The following TTC6 variants were observed in gnomAD, a reference collection of about 807,000 sequenced individuals.
TTC6 encodes the protein tetratricopeptide repeat domain 6, also known as tetratricopeptide repeat protein 6.
TTC6 carries 172 observed loss-of-function variants against 210.4 expected under a neutral mutation model. The ratio of observed to expected loss-of-function variants is 0.82; its 90% CI spans 0.72 to 0.93. The LOEUF (loss-of-function observed/expected upper bound fraction) is 0.93. Ranked by LOEUF, TTC6 falls within the 40% of genes least tolerant of loss-of-function variation. The pLI is 0.00. For missense variants in TTC6, 2,414 were observed against 2,318.1 expected (o/e 1.04, Z -0.85); for synonymous variants, 804 against 819.6 (o/e 0.98, Z 0.32).
At chr14:37,841,352 C>A in intron 29 of TTC6, 93 bp from the exon 32 acceptor site, 1 of 1,053,032 alleles carries the variant, frequency 9.5e-7, no homozygotes, top group Non-Finnish European at 1.4e-6. Flanking sequence ...TGGTATGCCA[C>A]TGGCCTTAAT....
At chr14:37,628,471 A>G (rs2095664157) in intron 1 of TTC6, among the ~76,000 whole-genome samples, 1 of 151,782 alleles carries the variant, frequency 6.6e-6, no homozygotes, top group South Asian at 2.1e-4. Context: ...TTTTCCTGTA[A>G]ATTTATTTAA....
At chr14:37,812,004 C>G (rs932408367) in intron 24 of TTC6, among the ~76,000 whole-genome samples, 3 of 152,118 alleles carry the variant, frequency 2.0e-5, no homozygotes, top group African/African-American at 7.2e-5. Context: ...GATGAAACTA[C>G]CCAGTAGAGG....
intron 7 of TTC6, among the ~76,000 whole-genome samples, chr14:37,725,312 G>GTATATATA (rs1169644241): frequency 3.8e-4 from 13 of 33,906 alleles, no homozygotes; most frequent in East Asian, 1.0e-3. Context: ...GTGTGTGTGT[G>GTATATATA]TATATATATA....
At chr14:37,664,798 C>T (rs1313260137) in intron 1 of TTC6, among the ~76,000 whole-genome samples, 1 of 149,934 alleles carries the variant, frequency 6.7e-6, no homozygotes, top group Non-Finnish European at 1.5e-5. Context: ...CTTAAATCTA[C>T]AAGAAAAAAA....
At chr14:37,655,025 G>A (rs1429032782) in intron 1 of TTC6, among the ~76,000 whole-genome samples, 1 of 152,210 alleles carries the variant, frequency 6.6e-6, no homozygotes, top group Admixed American at 6.5e-5. Flanking sequence ...GAATGGGTTT[G>A]GAAATACTGC....
chr14:37,660,445 T>C (rs575255757), intron 1 of TTC6, among the ~76,000 whole-genome samples: 1 of 152,338 alleles, frequency 6.6e-6, no homozygotes, highest in South Asian at 2.1e-4. Flanking sequence ...TGTGTTCTTA[T>C]TGTTCAGCTT....
chr14:37,690,067 A>G (rs1312415800), intron 3 of TTC6, among the ~76,000 whole-genome samples: 2 of 152,200 alleles, frequency 1.3e-5, no homozygotes, highest in Non-Finnish European at 2.9e-5. Flanking sequence ...GCAGAAGAAT[A>G]AAGTTAAAGT....
chr14:37,763,311 A>C (rs2095990077), intron 14 of TTC6, among the ~76,000 whole-genome samples: 1 of 152,140 alleles, frequency 6.6e-6, no homozygotes, highest in African/African-American at 2.4e-5. Flanking sequence ...CTTTAATAAC[A>C]GGGTAATGCT....
chr14:37,776,383 T>C (rs1268405511), intron 14 of TTC6, among the ~76,000 whole-genome samples: 1 of 152,164 alleles, frequency 6.6e-6, no homozygotes, highest in Non-Finnish European at 1.5e-5. Context: ...TTAAGCAGAC[T>C]TGTTTGTGTG....
At chr14:37,804,912 C>T (rs1322642586) in intron 21 of TTC6, 98 bp downstream of exon 23, 3 of 1,379,698 alleles carry the variant, frequency 2.2e-6, no homozygotes, top group Non-Finnish European at 3.0e-6. Flanking sequence ...CAGTGGGCAA[C>T]CGGTCCAAAG....
intron 3 of TTC6, among the ~76,000 whole-genome samples, chr14:37,684,426 C>T (rs2095790132): frequency 6.6e-6 from 1 of 152,178 alleles, no homozygotes; most frequent in African/African-American, 2.4e-5. Context: ...TGGTTGGTGA[C>T]TGACCCCATC....
intron 10 of TTC6, among the ~76,000 whole-genome samples, chr14:37,742,400 TTTTTTTGTTTTG>T (rs889222862): frequency 5.6e-5 from 8 of 143,508 alleles, no homozygotes; most frequent in African/African-American, 2.0e-4. Context: ...TTTTGTTTTG[TTTTTTTGTTTTG>T]TTTTTTTTGT....
At chr14:37,612,177 C>T (rs2095635859) in intron 2 of TTC6, among the ~76,000 whole-genome samples, 1 of 152,188 alleles carries the variant, frequency 6.6e-6, no homozygotes, top group Non-Finnish European at 1.5e-5. Flanking sequence ...TTCCTGCAAT[C>T]AATATAACCG....
chr14:37,795,352 G>A (rs2096090186), exon 18 of TTC6: 1 of 1,513,376 alleles, frequency 6.6e-7, no homozygotes, highest in Non-Finnish European at 8.8e-7. Context: ...TACATAAGAA[G>A]GTATGAGCAT....
chr14:37,608,343 T>C, intron 2 of TTC6, among the ~76,000 whole-genome samples: 1 of 152,092 alleles, frequency 6.6e-6, no homozygotes, highest in Admixed American at 6.6e-5. Flanking sequence ...AGGATCTCAT[T>C]GTGGCACCGA....
At chr14:37,663,085 C>G (rs1007683189) in intron 1 of TTC6, among the ~76,000 whole-genome samples, 2 of 151,914 alleles carry the variant, frequency 1.3e-5, no homozygotes, top group Admixed American at 6.6e-5. Context: ...TTTTGTAATT[C>G]TCATTGTAGA....
Position 37,736,055 on chromosome 14 carries a change from G to A in TTC6, c.1908+45G>A, listed in dbSNP as rs531903769. ...TTAATTAGGATTGTTTACTCTATCT[G>A]CCTACAGTCCAGATATTAATTATGG... On this transcript the variant is annotated intron_variant, in intron 8 of 30. Coordinates refer to ENST00000553443, the Ensembl canonical transcript of TTC6. The A allele has an allele frequency of 1.8e-4, 179 of 993,968 alleles. 1 individual carries two copies. The African/African-American group carries it at 2.6e-3, about 14-fold the overall frequency. The allele number at this position is 993,968 out of a possible 1,614,324, so 61.6% of individuals were successfully genotyped here. A position where few individuals can be genotyped will look rare whatever the true frequency, so the allele number is the denominator to read the frequency against.
chr14:37,819,309 A>T (rs2096149983), intron 26 of TTC6, among the ~76,000 whole-genome samples: 1 of 151,960 alleles, frequency 6.6e-6, no homozygotes, highest in East Asian at 1.9e-4. Flanking sequence ...TATACCACAG[A>T]TGCATGGACT....
Position 37,790,699 on chromosome 14 carries a change from T to G in TTC6, c.3437-18T>G. 1 of 1,525,778 alleles carries G rather than the reference T, an allele frequency of 6.6e-7. No homozygotes were observed. 94.5% of individuals were successfully genotyped at this position (1,525,778 alleles called of 1,614,324 possible). A position where few individuals can be genotyped will look rare whatever the true frequency, so the allele number is the denominator to read the frequency against. On this transcript the variant is annotated intron_variant, in intron 15 of 30. Coordinates refer to ENST00000553443, the Ensembl canonical transcript of TTC6. Reference sequence around the variant, plus strand: ...ATTTTAGAACCTGAATGAAATACATTTTTTTAAACTTTTTAAGCACTCATA... The same window carrying G: ...ATTTTAGAACCTGAATGAAATACATGTTTTTAAACTTTTTAAGCACTCATA...
Sources: allele counts gnomAD v4.1 joint callset (sites outside exome capture counted in the v4.1 genomes callset), GRCh38; gene constraint gnomAD v4.1.1; transcripts MANE v1.5; gene names NCBI Gene and HGNC (gene_info 2026-07-23, HGNC 2026-07-21).